MID1: variants seen among roughly 807,000 people sequenced by gnomAD.
The protein encoded by MID1 is E3 ubiquitin-protein ligase Midline-1.
In MID1, 7 loss-of-function variants were observed where a neutral mutation model predicts 40.4. The observed-to-expected ratio is 0.17, with a 90% confidence interval of 0.10 to 0.33. The LOEUF (loss-of-function observed/expected upper bound fraction) is 0.33. Among genes scored for constraint, MID1 ranks in the 10% least tolerant of loss-of-function variants. The probability of loss-of-function intolerance (pLI) is 1.00; values close to 1 mark genes in which losing one functional copy is unlikely to be tolerated. For missense variants in MID1, 367 were observed against 558.5 expected, an observed-to-expected ratio of 0.66 and a Z score of 3.46; for synonymous variants, 229 against 221.2, an observed-to-expected ratio of 1.04 and a Z score of -0.31.
upstream of MID1, among the ~76,000 whole-genome samples, chrX:10,623,875 C>T (rs1322566577): frequency 9.0e-6 from 1 of 110,962 alleles, no homozygotes; most frequent in East Asian, 2.8e-4. Flanking sequence ...TATTCTCCCT[C>T]AGAGGTTTCA....
intron 1 of MID1, among the ~76,000 whole-genome samples, chrX:10,590,867 A>C (rs1382921826): frequency 8.9e-6 from 1 of 112,263 alleles, no homozygotes; most frequent in East Asian, 2.8e-4. Context: ...GAGTTGACTT[A>C]AGAGTTTTTT....
chrX:10,454,662 A>C (rs762469482), intron 9 of MID1, among the ~76,000 whole-genome samples: 1 of 111,934 alleles, frequency 8.9e-6, no homozygotes, highest in African/African-American at 3.3e-5. Flanking sequence ...GAGAACCCAC[A>C]GGTGTGGGTA....
At chrX:10,500,502 A>C (rs1163703139) in intron 3 of MID1, among the ~76,000 whole-genome samples, 1 of 112,477 alleles carries the variant, frequency 8.9e-6, no homozygotes, top group Non-Finnish European at 1.9e-5. Flanking sequence ...ATTCCAAAAG[A>C]TACAATAAAA....
At chrX:10,782,166 C>A (rs925947131) in intron 1 of MID1, among the ~76,000 whole-genome samples, 1 of 111,865 alleles carries the variant, frequency 8.9e-6, no homozygotes, top group Non-Finnish European at 1.9e-5. Flanking sequence ...ACATTGCCAC[C>A]CTGTCAATTG....
chrX:10,567,370 G>A lies in MID1; in HGVS notation c.178C>T (p.Arg60Trp), dbSNP rs1470523331. Residue 60 changes from arginine to tryptophan, a missense_variant, in exon 2 of 10, where the codon CGG becomes TGG. This residue lies in a region of MID1 where 78 missense variants were observed against 112.6 expected (regional missense o/e 0.69). Coordinates refer to ENST00000317552, the MANE Select transcript of MID1 (RefSeq NM_000381.4). Reference sequence around the variant, plus strand: ...CGCTGGCTGAGGGTGATGACATGCCGGCAGGTGGGGCACTGGAAGGCGGTG... The same window carrying A: ...CGCTGGCTGAGGGTGATGACATGCCAGCAGGTGGGGCACTGGAAGGCGGTG... ...SITAFQCPTC[R>W]HVITLSQRGL... is the part of the protein sequence containing the mutation. 1.7e-6 allele frequency: 2 copies of A among 1,198,072 alleles called. No individual in the cohort carries two copies. The highest frequency in any genetic ancestry group is 2.2e-5 in the Admixed American group (1 of 45,266).
chrX:10,819,130 A>G (rs2044157494), intron 1 of MID1, among the ~76,000 whole-genome samples: 1 of 111,221 alleles, frequency 9.0e-6, no homozygotes, highest in Non-Finnish European at 1.9e-5. Context: ...TTGTGTGTAC[A>G]TGTGTACACA....
chrX:10,816,322 G>A (rs190066659), intron 1 of MID1, among the ~76,000 whole-genome samples: 3 of 111,728 alleles, frequency 2.7e-5, no homozygotes, highest in African/African-American at 9.8e-5. Flanking sequence ...CTTTCTTCAC[G>A]CATTCACTGT....
chrX:10,728,847 C>A (rs1225730679), intron 1 of MID1, among the ~76,000 whole-genome samples: 1 of 112,128 alleles, frequency 8.9e-6, no homozygotes, highest in Non-Finnish European at 1.9e-5. Flanking sequence ...GAAACTGTTT[C>A]TTTATGCATT....
rs898103918 is a variant in MID1 at position 10,445,956 on chromosome X, A to G, written c.*3412T>C. 4 of 111,439 alleles carry G rather than the reference A, an allele frequency of 3.6e-5. No homozygotes were observed. The Admixed American group carries it at 3.8e-4, about 11-fold the overall frequency. The allele number at this position is 111,439 out of a possible 1,213,427, so 9.2% of individuals were successfully genotyped here. On this transcript the variant is annotated 3_prime_UTR_variant, in exon 10 of 10. Coordinates refer to ENST00000317552, the MANE Select transcript of MID1 (RefSeq NM_000381.4). ...TTGCATTAAAAGAAAACCAACGATC[A>G]AGTTTCTACACTGCAGCACTGTTGA...
chrX:10,677,922 C>T (rs1026866218), intron 1 of MID1, among the ~76,000 whole-genome samples: 1 of 110,562 alleles, frequency 9.0e-6, no homozygotes, highest in African/African-American at 3.3e-5. Context: ...ATAGCAAATG[C>T]TATAACTTAG....
intron 1 of MID1, among the ~76,000 whole-genome samples, chrX:10,686,709 A>G (rs954399236): frequency 1.8e-5 from 2 of 112,418 alleles, no homozygotes; most frequent in African/African-American, 6.5e-5. Context: ...AGAAGGGGGA[A>G]GAAGCAAGAT....
intron 1 of MID1, among the ~76,000 whole-genome samples, chrX:10,735,066 T>C (rs932098884): frequency 4.5e-5 from 5 of 112,150 alleles, no homozygotes; most frequent in African/African-American, 1.6e-4. Context: ...TTCCCTCCTA[T>C]TTTCTACCAA....
chrX:10,739,672 A>G (rs935864281), intron 1 of MID1, among the ~76,000 whole-genome samples: 1 of 112,300 alleles, frequency 8.9e-6, no homozygotes, highest in Admixed American at 9.5e-5. Context: ...GGAGGTTACA[A>G]TAGGATAAAA....
intron 1 of MID1, among the ~76,000 whole-genome samples, chrX:10,611,142 T>A (rs1332718312): frequency 2.7e-5 from 3 of 112,052 alleles, no homozygotes; most frequent in Non-Finnish European, 3.8e-5. Flanking sequence ...TTACATTTGT[T>A]AATAAGGAAT....
At chrX:10,752,984 C>G (rs974345959) in intron 1 of MID1, among the ~76,000 whole-genome samples, 2 of 112,073 alleles carry the variant, frequency 1.8e-5, no homozygotes, top group African/African-American at 6.5e-5. Context: ...TTTCTGAAGG[C>G]AGGGTGCCTG....
At chrX:10,608,991 T>G (rs777639260) in intron 1 of MID1, among the ~76,000 whole-genome samples, 1 of 112,163 alleles carries the variant, frequency 8.9e-6, no homozygotes, top group Non-Finnish European at 1.9e-5. Context: ...ATATGCTTTT[T>G]TGGATTATAA....
At chrX:10,519,806 A>G (rs1160258590) in intron 3 of MID1, among the ~76,000 whole-genome samples, 9 of 112,018 alleles carry the variant, frequency 8.0e-5, no homozygotes, top group Non-Finnish European at 1.7e-4. Flanking sequence ...CTTGGAAAAC[A>G]CAACAAATTT....
chrX:10,674,333 C>T (rs940691239), intron 1 of MID1, among the ~76,000 whole-genome samples: 1 of 112,198 alleles, frequency 8.9e-6, no homozygotes, highest in Admixed American at 9.5e-5. Context: ...AAACCACATT[C>T]GCAACTGAAC....
At chrX:10,525,392 G>T (rs1346189586) in intron 2 of MID1, among the ~76,000 whole-genome samples, 1 of 111,778 alleles carries the variant, frequency 8.9e-6, no homozygotes, top group Non-Finnish European at 1.9e-5. Context: ...ATTTCTCTCT[G>T]TTCCTATTAC....
Sources: gnomAD v4.1 joint callset for allele counts (sites outside exome capture counted in the v4.1 genomes callset) on GRCh38, gnomAD v4.1.1 for gene constraint, gnomAD v4.1.1 regional missense constraint, MANE v1.5 for transcripts, NCBI Gene and HGNC (gene_info 2026-07-23, HGNC 2026-07-21) for gene names.